DACH2: variants seen among roughly 807,000 people sequenced by gnomAD.
DACH2 encodes the protein dachshund homolog 2.
A neutral mutation model predicts 35.8 loss-of-function variants in DACH2; 17 were observed. The observed-to-expected ratio is 0.48, with a 90% CI of 0.33 to 0.71. The LOEUF (loss-of-function observed/expected upper bound fraction) is 0.71. Among genes scored for constraint, DACH2 ranks in the 30% least tolerant of loss-of-function variants. The pLI is 0.02. For synonymous variants in DACH2, 195 were observed against 177.3 expected (o/e 1.10, Z -0.79); for missense variants, 469 against 472.7 (o/e 0.99, Z 0.07).
intron 1 of DACH2, among the ~76,000 whole-genome samples, chrX:86,259,235 C>T (rs1395835771): frequency 8.9e-6 from 1 of 112,003 alleles, no homozygotes; most frequent in Non-Finnish European, 1.9e-5. Context: ...CAATGTAGTT[C>T]AACATTTAGT....
At chrX:86,441,380 T>C (rs966930339) in intron 2 of DACH2, among the ~76,000 whole-genome samples, 4 of 111,196 alleles carry the variant, frequency 3.6e-5, no homozygotes, top group African/African-American at 9.8e-5. Flanking sequence ...AAGATTGTCT[T>C]TCTATGTCTG....
intron 1 of DACH2, among the ~76,000 whole-genome samples, chrX:86,264,923 C>T (rs1239793827): frequency 9.0e-6 from 1 of 110,716 alleles, no homozygotes; most frequent in East Asian, 2.8e-4. Context: ...CTGTGGGAAA[C>T]ATCCTTTATC....
intron 1 of DACH2, among the ~76,000 whole-genome samples, chrX:86,335,101 CT>C (rs764248877): frequency 1.4e-3 from 154 of 111,322 alleles, no homozygotes; most frequent in African/African-American, 4.8e-3. Flanking sequence ...GGCCTCTGTT[CT>C]GTTCCATTTT....
chrX:86,388,943 T>A (rs2036161485), intron 2 of DACH2, among the ~76,000 whole-genome samples: 1 of 111,548 alleles, frequency 9.0e-6, no homozygotes, highest in African/African-American at 3.3e-5. Context: ...TGTATCTCTC[T>A]TGCTCAAAAA....
Position 86,254,781 on chromosome X carries a change from A to ATATATATATATATATAT in DACH2, c.488+105673_488+105674insTATATATATATATATAT, listed in dbSNP as rs1556004270. ...GTGTGGGGTGTTATTCAAATAAATA[A>ATATATATATATATATAT]ATATATATATATATATATATATATA... On this transcript the variant is annotated intron_variant, in intron 1 of 11. Transcript: ENST00000373125. Among the ~76,000 whole-genome samples the ATATATATATATATATAT allele has an allele frequency of 5.8e-4, 13 of 22,569 alleles. 1 individual carries two copies. The highest frequency in any genetic ancestry group is 3.2e-3 in the East Asian group (2 of 619). The allele number at this position is 22,569 out of a possible 115,157, so 19.6% of individuals were successfully genotyped here. A position where few individuals can be genotyped will look rare whatever the true frequency, so the allele number is the denominator to read the frequency against.
At chrX:86,697,349 T>C (rs1295690141) in intron 5 of DACH2, among the ~76,000 whole-genome samples, 1 of 111,020 alleles carries the variant, frequency 9.0e-6, no homozygotes, top group Non-Finnish European at 1.9e-5. Flanking sequence ...ATGTAGACAC[T>C]AATGCCACAG....
At chrX:86,349,174 A>T (rs2035547295) in intron 1 of DACH2, among the ~76,000 whole-genome samples, 1 of 111,587 alleles carries the variant, frequency 9.0e-6, no homozygotes, top group Non-Finnish European at 1.9e-5. Context: ...GTTCTCTGCG[A>T]GGTGGATGGG....
chrX:86,519,520 G>C (rs2038521066), intron 3 of DACH2, among the ~76,000 whole-genome samples: 1 of 111,464 alleles, frequency 9.0e-6, no homozygotes, highest in African/African-American at 3.3e-5. Flanking sequence ...GAATCCAACA[G>C]ATCCCAGGTT....
intron 5 of DACH2, among the ~76,000 whole-genome samples, chrX:86,714,307 A>C (rs755062065): frequency 8.9e-6 from 1 of 112,007 alleles, no homozygotes; most frequent in African/African-American, 3.2e-5. Context: ...GCATCTTATA[A>C]ATATTTGGGA....
chrX:86,291,509 C>T (rs1159063639), intron 1 of DACH2, among the ~76,000 whole-genome samples: 1 of 106,153 alleles, frequency 9.4e-6, no homozygotes, highest in Non-Finnish European at 1.9e-5. Context: ...TGCCAGTTTT[C>T]AAAGGGAATG....
At chrX:86,254,663 T>A (rs2033466169) in intron 1 of DACH2, among the ~76,000 whole-genome samples, 2 of 103,340 alleles carry the variant, frequency 1.9e-5, no homozygotes, top group Admixed American at 2.2e-4. Flanking sequence ...TACTTATTTT[T>A]TTTTTGTGTG....
At chrX:86,748,475 G>A (rs1248505769) in intron 7 of DACH2, among the ~76,000 whole-genome samples, 2 of 111,652 alleles carry the variant, frequency 1.8e-5, no homozygotes, top group African/African-American at 3.3e-5. Flanking sequence ...TTTTTACAGA[G>A]CTCTCAGGTA....
rs1251552734 is a variant in DACH2 at position 86,818,604 on chromosome X, C to A, written c.1750+2505C>A. ...TGTGACATTTTGATACTGTTTTAATCTTTTCCATCTCCCTTGAAACCTGTT... is the reference window on the plus strand; with the variant it reads ...TGTGACATTTTGATACTGTTTTAATATTTTCCATCTCCCTTGAAACCTGTT... On this transcript the variant is annotated intron_variant, in intron 11 of 11. Transcript: ENST00000373125. Among the ~76,000 whole-genome samples the A allele has an allele frequency of 8.1e-5, 9 of 111,020 alleles. No individual in the cohort carries two copies. In the Admixed American group the frequency reaches 8.7e-4, roughly 11 times the overall value.
intron 7 of DACH2, among the ~76,000 whole-genome samples, chrX:86,765,803 T>C (rs1382506740): frequency 1.9e-5 from 2 of 107,006 alleles, no homozygotes; most frequent in African/African-American, 6.8e-5. Context: ...AAATGGCATT[T>C]TTTTTTATAC....
chrX:86,305,154 G>T (rs1477449483), intron 1 of DACH2: 1 of 134,601 alleles, frequency 7.4e-6, no homozygotes, highest in Admixed American at 7.9e-5. Context: ...CCCTTTTTGG[G>T]GGGTACACGC....
At chrX:86,764,693 G>T (rs2041915043) in intron 7 of DACH2, among the ~76,000 whole-genome samples, 1 of 111,308 alleles carries the variant, frequency 9.0e-6, no homozygotes, top group Non-Finnish European at 1.9e-5. Flanking sequence ...ATGAACAAAT[G>T]GGTGCATGTG....
intron 3 of DACH2, among the ~76,000 whole-genome samples, chrX:86,551,503 A>G (rs1308522418): frequency 8.9e-6 from 1 of 112,249 alleles, no homozygotes; most frequent in Non-Finnish European, 1.9e-5. Flanking sequence ...TAAGAGTGGT[A>G]TCTCCATCTC....
intron 1 of DACH2, among the ~76,000 whole-genome samples, chrX:86,317,324 T>C (rs2034932058): frequency 1.8e-5 from 2 of 111,041 alleles, no homozygotes; most frequent in African/African-American, 6.6e-5. Context: ...AAACGAAACC[T>C]CTGGGTTATA....
At chrX:86,161,296 C>A in intron 1 of DACH2, 3 of 1,185,388 alleles carry the variant, frequency 2.5e-6, no homozygotes, top group Admixed American at 2.2e-5. Flanking sequence ...AATTCACCAA[C>A]ACCAGCAGCA....
Sources: allele counts gnomAD v4.1 joint callset (sites outside exome capture counted in the v4.1 genomes callset), GRCh38; gene constraint gnomAD v4.1.1; transcripts MANE v1.5; gene names NCBI Gene and HGNC (gene_info 2026-07-23, HGNC 2026-07-21).